The following SBF2 variants were observed in gnomAD, a reference collection of about 807,000 sequenced individuals.
The protein encoded by SBF2 is myotubularin-related protein 13.
In SBF2, 112 loss-of-function variants were observed where a neutral mutation model predicts 225.2. That is an observed-to-expected ratio of 0.50 (90% confidence interval 0.43 to 0.58). The LOEUF (loss-of-function observed/expected upper bound fraction) is 0.58, where lower values mean the gene tolerates loss of function less well. Ranked by LOEUF, SBF2 falls within the 20% of genes least tolerant of loss-of-function variation. The probability of loss-of-function intolerance (pLI) is 0.00; values close to 1 mark genes in which losing one functional copy is unlikely to be tolerated. For synonymous variants in SBF2, 763 were observed against 773.3 expected, an observed-to-expected ratio of 0.99 and a Z score of 0.22; for missense variants, 1,996 against 2,206.2, an observed-to-expected ratio of 0.90 and a Z score of 1.91.
chr11:10,005,722 C>T (rs183960110), intron 6 of SBF2, among the ~76,000 whole-genome samples: 1 of 152,238 alleles, frequency 6.6e-6, no homozygotes, highest in East Asian at 1.9e-4. Flanking sequence ...ACTTTGGTGC[C>T]ACGTGACTCA....
intron 2 of SBF2, among the ~76,000 whole-genome samples, chr11:10,109,294 G>C (rs1350179320): frequency 2.0e-5 from 3 of 152,060 alleles, no homozygotes; most frequent in Non-Finnish European, 4.4e-5. Context: ...AATAATCCTT[G>C]AGAAAGATCA....
intron 7 of SBF2, among the ~76,000 whole-genome samples, chr11:10,001,839 T>A (rs768177633): frequency 1.3e-4 from 20 of 152,296 alleles, no homozygotes; most frequent in Admixed American, 5.2e-4. Flanking sequence ...AAAATTTTTT[T>A]AAAGAAATTC....
chr11:10,285,187 G>A (rs1399961070), intron 1 of SBF2, among the ~76,000 whole-genome samples: 2 of 152,004 alleles, frequency 1.3e-5, no homozygotes, highest in Admixed American at 6.6e-5. Context: ...GCGTGCACCT[G>A]TAGTCCCAGC....
intron 1 of SBF2, among the ~76,000 whole-genome samples, chr11:10,209,716 A>G (rs1198167033): frequency 6.6e-6 from 1 of 152,130 alleles, no homozygotes; most frequent in Non-Finnish European, 1.5e-5. Context: ...TCTATCTCAG[A>G]GAATGGCACG....
At chr11:9,853,785 T>A in intron 19 of SBF2, 73 bp from the exon 20 acceptor site, 1 of 1,348,272 alleles carries the variant, frequency 7.4e-7, no homozygotes, top group Non-Finnish European at 1.1e-6. Flanking sequence ...GTAGTCAATT[T>A]ACATAGCGAC....
At chr11:9,869,719 T>C (rs977613789) in intron 17 of SBF2, among the ~76,000 whole-genome samples, 2 of 152,130 alleles carry the variant, frequency 1.3e-5, no homozygotes, top group Admixed American at 1.3e-4. Context: ...ATGAGAGCCA[T>C]ATATAACAAA....
chr11:9,904,662 C>T lies in SBF2; in HGVS notation c.1861-8651G>A, dbSNP rs183066857. On this transcript the variant is annotated intron_variant, in intron 16 of 39. Coordinates refer to ENST00000256190, the MANE Select transcript of SBF2 (RefSeq NM_030962.4). The stretch of plus-strand genomic sequence containing the variant: ...AACTTGCTTGCTCTAATGGACACTG[C>T]ACTTTCTAACACTGTACCCAGAACT... Among the ~76,000 whole-genome samples the T allele has an allele frequency of 2.3e-3, 347 of 152,276 alleles. 1 individual carries two copies. The highest frequency in any genetic ancestry group is 4.0e-3 in the Non-Finnish European group (274 of 68,022).
chr11:10,093,104 C>T (rs985520360), intron 2 of SBF2, among the ~76,000 whole-genome samples: 36 of 151,468 alleles, frequency 2.4e-4, no homozygotes, highest in African/African-American at 8.0e-4. Context: ...GCAACTTCTT[C>T]CTCCTGGGTT....
intron 17 of SBF2, among the ~76,000 whole-genome samples, chr11:9,877,704 T>C (rs1476369587): frequency 6.6e-6 from 1 of 152,220 alleles, no homozygotes; most frequent in Non-Finnish European, 1.5e-5. Flanking sequence ...GCTTCATCCA[T>C]GTCCCTGCAA....
At chr11:10,223,227 C>A (rs1192500940) in intron 1 of SBF2, among the ~76,000 whole-genome samples, 1 of 151,098 alleles carries the variant, frequency 6.6e-6, no homozygotes, top group African/African-American at 2.4e-5. Context: ...TGAGTCCTGT[C>A]ATTTTTATCT....
intron 18 of SBF2, among the ~76,000 whole-genome samples, chr11:9,856,987 C>T (rs954109626): frequency 2.0e-5 from 3 of 152,096 alleles, no homozygotes; most frequent in African/African-American, 7.2e-5. Context: ...CGGGGTTTCA[C>T]CATGTTAGCC....
chr11:9,884,523 T>G (rs533429979), intron 17 of SBF2, among the ~76,000 whole-genome samples: 58 of 152,342 alleles, frequency 3.8e-4, no homozygotes, highest in African/African-American at 1.3e-3. Flanking sequence ...TTTTCTCCAT[T>G]GGAAGCTGAC....
chr11:10,040,628 T>C (rs1045777311), intron 3 of SBF2, among the ~76,000 whole-genome samples: 1 of 151,896 alleles, frequency 6.6e-6, no homozygotes, highest in Non-Finnish European at 1.5e-5. Context: ...GGAATATGGA[T>C]AGTAGGTTTT....
intron 32 of SBF2, among the ~76,000 whole-genome samples, chr11:9,805,231 G>C (rs562146519): frequency 6.9e-6 from 1 of 145,708 alleles, no homozygotes; most frequent in African/African-American, 2.5e-5. Context: ...AGGTGACAGA[G>C]TGAGACTCTG....
At chr11:10,186,635 TG>T (rs1290648775) in intron 2 of SBF2, among the ~76,000 whole-genome samples, 1 of 152,186 alleles carries the variant, frequency 6.6e-6, no homozygotes, top group Non-Finnish European at 1.5e-5. Flanking sequence ...TAGGCATAAC[TG>T]GTTAAATCAT....
intron 32 of SBF2, among the ~76,000 whole-genome samples, chr11:9,806,974 CAAAAT>C (rs1342178360): frequency 6.6e-6 from 1 of 152,136 alleles, no homozygotes; most frequent in Non-Finnish European, 1.5e-5. Context: ...AGAATAAAAA[CAAAAT>C]AAAACATAAC....
intron 2 of SBF2, among the ~76,000 whole-genome samples, chr11:10,138,505 T>G (rs1954490312): frequency 1.3e-5 from 2 of 151,654 alleles, no homozygotes; most frequent in African/African-American, 4.8e-5. Flanking sequence ...TTGGCTTAAC[T>G]ATTCTGAGCT....
chr11:10,204,437 G>A (rs763887846), intron 1 of SBF2, among the ~76,000 whole-genome samples: 7 of 151,896 alleles, frequency 4.6e-5, no homozygotes, highest in Non-Finnish European at 7.4e-5. Flanking sequence ...TCAAGAGATC[G>A]AGACCATCCT....
chr11:9,782,958 A>T (rs908340449), intron 38 of SBF2: 3 of 151,928 alleles, frequency 2.0e-5, no homozygotes, highest in Non-Finnish European at 4.4e-5. Context: ...TGTGGATTTC[A>T]CTCTCTAGTA....
Sources: allele counts gnomAD v4.1 joint callset (sites outside exome capture counted in the v4.1 genomes callset), GRCh38; gene constraint gnomAD v4.1.1; transcripts MANE v1.5; gene names NCBI Gene and HGNC (gene_info 2026-07-23, HGNC 2026-07-21).